Variants in SOX5 observed in about 807,000 individuals in gnomAD.
SOX5 encodes SRY-box transcription factor 5.
A neutral mutation model predicts 92.0 loss-of-function variants in SOX5; 9 were observed. The observed-to-expected ratio is 0.10, with a 90% CI of 0.06 to 0.17. The LOEUF (loss-of-function observed/expected upper bound fraction) is 0.17. SOX5 is among the 10% of genes least tolerant of loss of function. The probability of loss-of-function intolerance (pLI) is 1.00; values close to 1 mark genes in which losing one functional copy is unlikely to be tolerated. For synonymous variants in SOX5, 344 were observed against 336.3 expected, an observed-to-expected ratio of 1.02 and a Z score of -0.25; for missense variants, 642 against 944.5, an observed-to-expected ratio of 0.68 and a Z score of 4.20.
chr12:23,696,380 T>C (rs2089866330), intron 6 of SOX5, among the ~76,000 whole-genome samples: 1 of 152,156 alleles, frequency 6.6e-6, no homozygotes, highest in Admixed American at 6.6e-5. Flanking sequence ...TTATCTGTTA[T>C]ATATAAGTTG....
chr12:24,009,619 G>T (rs10505924), intron 4 of SOX5, among the ~76,000 whole-genome samples: 4 of 151,458 alleles, frequency 2.6e-5, no homozygotes, highest in Non-Finnish European at 5.9e-5. Context: ...ACAAGAAGAG[G>T]TTAAAAAGAT....
chr12:23,561,149 GTAT>G (rs1946129430), intron 11 of SOX5, among the ~76,000 whole-genome samples: 1 of 152,138 alleles, frequency 6.6e-6, no homozygotes, highest in Non-Finnish European at 1.5e-5. Context: ...GTTTTGGAAG[GTAT>G]TATTTCAAAA....
At chr12:24,057,741 CA>C (rs138229006) in intron 4 of SOX5, among the ~76,000 whole-genome samples, 3,155 of 152,124 alleles carry the variant, frequency 0.021, 51 homozygotes, top group Middle Eastern at 0.071. Flanking sequence ...ACTATAAATA[CA>C]TTTTTTTTCT....
chr12:23,599,971 G>C (rs1316866778), intron 9 of SOX5, among the ~76,000 whole-genome samples: 1 of 152,172 alleles, frequency 6.6e-6, no homozygotes, highest in African/African-American at 2.4e-5. Flanking sequence ...GAATAAATAT[G>C]TGGTGCAAAA....
chr12:24,244,068 A>G (rs1274323251), intron 3 of SOX5, among the ~76,000 whole-genome samples: 3 of 148,632 alleles, frequency 2.0e-5, no homozygotes, highest in African/African-American at 7.4e-5. Context: ...AAAAAAAAAG[A>G]AAAGGTTGGA....
intron 3 of SOX5, among the ~76,000 whole-genome samples, chr12:24,233,739 G>A (rs1963884706): frequency 6.6e-6 from 1 of 152,170 alleles, no homozygotes; most frequent in Non-Finnish European, 1.5e-5. Flanking sequence ...GTCCCTATTG[G>A]GATATGATGC....
chr12:24,027,570 G>A (rs1430566049), intron 4 of SOX5, among the ~76,000 whole-genome samples: 2 of 151,930 alleles, frequency 1.3e-5, no homozygotes, highest in African/African-American at 4.8e-5. Context: ...CATAGCAAGA[G>A]GCAGAGTAGT....
rs147779705 is a variant in SOX5, at chr12:23,608,203, C to T, written c.1018-3670G>A. On this transcript the variant is annotated intron_variant, in intron 8 of 14. Coordinates refer to ENST00000451604, the MANE Select transcript of SOX5 (RefSeq NM_006940.6). ...AACCAGACTCACAGTATCTTAGCCT[C>T]GCAGAATAACAGAATAACTTGACTC... Among the ~76,000 whole-genome samples the T allele has an allele frequency of 5.4e-3, 816 of 150,774 alleles. 10 individuals are homozygous for T. The highest frequency in any genetic ancestry group is 0.019 in the African/African-American group (762 of 41,100).
Position 23,738,193 on chromosome 12 carries a change from T to C in SOX5, c.741+2674A>G, listed in dbSNP as rs184843935. Among the ~76,000 whole-genome samples the C allele has an allele frequency of 2.0e-3, 303 of 152,362 alleles. 2 individuals are homozygous for C. Among genetic ancestry groups the C allele is most frequent in the African/African-American group, 7.0e-3 (290 of 41,590 alleles). The stretch of plus-strand genomic sequence containing the variant: ...AAGGCTCATCAGTAAACAGGTCCTT[T>C]AGCTTTTGTAACAGCTATACCAGAA... On this transcript the variant is annotated intron_variant, in intron 5 of 14. Coordinates refer to ENST00000451604, the MANE Select transcript of SOX5 (RefSeq NM_006940.6).
At chr12:24,329,612 C>A (rs981272385) in intron 2 of SOX5, among the ~76,000 whole-genome samples, 1 of 152,042 alleles carries the variant, frequency 6.6e-6, no homozygotes, top group Admixed American at 6.5e-5. Context: ...TCTACACTGA[C>A]AAAGGTTTAA....
chr12:24,026,934 G>C (rs1471237582), intron 4 of SOX5, among the ~76,000 whole-genome samples: 1 of 151,932 alleles, frequency 6.6e-6, no homozygotes, highest in Non-Finnish European at 1.5e-5. Flanking sequence ...AAGCCAGGAG[G>C]ACCCAGAAAG....
At chr12:23,649,891 A>C (rs1209229564) in intron 7 of SOX5, among the ~76,000 whole-genome samples, 1 of 152,178 alleles carries the variant, frequency 6.6e-6, no homozygotes, top group Non-Finnish European at 1.5e-5. Flanking sequence ...ATGTGGTTTT[A>C]ACAAGACTCA....
chr12:24,258,724 A>AT (rs1941629756), intron 3 of SOX5, among the ~76,000 whole-genome samples: 1 of 152,166 alleles, frequency 6.6e-6, no homozygotes, highest in Non-Finnish European at 1.5e-5. Flanking sequence ...TAGCTACAAG[A>AT]TTTTTTCAGA....
intron 4 of SOX5, among the ~76,000 whole-genome samples, chr12:24,032,429 T>C (rs1955604547): frequency 6.6e-6 from 1 of 151,898 alleles, no homozygotes; most frequent in Non-Finnish European, 1.5e-5. Flanking sequence ...CAGTCAACAT[T>C]GATTAATAAT....
chr12:23,984,539 T>C (rs1007409863), intron 4 of SOX5, among the ~76,000 whole-genome samples: 3 of 152,168 alleles, frequency 2.0e-5, no homozygotes, highest in Non-Finnish European at 4.4e-5. Context: ...TTTTGGGGAA[T>C]AGTGGGTTGT....
chr12:24,415,492 T>C (rs530710107), intron 1 of SOX5, among the ~76,000 whole-genome samples: 3 of 152,200 alleles, frequency 2.0e-5, no homozygotes, highest in Non-Finnish European at 2.9e-5. Flanking sequence ...TCAAATTCTA[T>C]ATTCCCCTAA....
chr12:24,245,402 AAAG>A (rs1938489001), intron 3 of SOX5, among the ~76,000 whole-genome samples: 1 of 152,188 alleles, frequency 6.6e-6, no homozygotes, highest in Admixed American at 6.5e-5. Context: ...CAATTTTTAA[AAAG>A]AAGAAAGAAA....
At chr12:23,871,026 T>C (rs891790715) in intron 2 of SOX5, among the ~76,000 whole-genome samples, 1 of 152,144 alleles carries the variant, frequency 6.6e-6, no homozygotes, top group Non-Finnish European at 1.5e-5. Flanking sequence ...AAGAATTAGA[T>C]GAAAGGACTA....
intron 3 of SOX5, among the ~76,000 whole-genome samples, chr12:24,220,941 A>G (rs1236556288): frequency 6.8e-6 from 1 of 147,492 alleles, no homozygotes; most frequent in Non-Finnish European, 1.5e-5. Context: ...TTCGTGTTAG[A>G]CACCTTATCT....
Sources: gnomAD v4.1 joint callset for allele counts (sites outside exome capture counted in the v4.1 genomes callset) on GRCh38, gnomAD v4.1.1 for gene constraint, MANE v1.5 for transcripts, NCBI Gene and HGNC (gene_info 2026-07-23, HGNC 2026-07-21) for gene names.